Variants in SPON2 observed in about 807,000 individuals in gnomAD.
The protein encoded by SPON2 is spondin-2.
A neutral mutation model predicts 29.9 loss-of-function variants in SPON2; 32 were observed. That is an observed-to-expected ratio of 1.07 (90% CI 0.81 to 1.44). SPON2 has a LOEUF of 1.44. Among genes scored for constraint, SPON2 ranks in the 40% most tolerant of loss-of-function variants. The probability of loss-of-function intolerance (pLI) is 0.00; values close to 1 mark genes in which losing one functional copy is unlikely to be tolerated. For missense variants in SPON2, 541 were observed against 455.5 expected (o/e 1.19, Z -1.71); for synonymous variants, 248 against 209.1 (o/e 1.19, Z -1.61).
At chr4:1,206,761 C>A (rs1728351774) in intron 1 of SPON2, among the ~76,000 whole-genome samples, 1 of 151,700 alleles carries the variant, frequency 6.6e-6, no homozygotes, top group African/African-American at 2.4e-5. Flanking sequence ...ACCCCGCCAG[C>A]AGCAGAGAAC....
chr4:1,189,654 A>AAG (rs1463170859), intron 1 of SPON2, among the ~76,000 whole-genome samples: 118 of 149,324 alleles, frequency 7.9e-4, no homozygotes, highest in African/African-American at 2.6e-3. Context: ...AAAAAAAAAA[A>AAG]AAAAGAAAGA....
intron 5 of SPON2, chr4:1,167,911 G>A (rs1727299879): frequency 2.4e-6 from 1 of 422,824 alleles, no homozygotes; most frequent in East Asian, 3.6e-5. Flanking sequence ...TCCCTGTGGT[G>A]GTGGAACTCC....
At chr4:1,188,798 T>C (rs1393690973) in intron 1 of SPON2, among the ~76,000 whole-genome samples, 3 of 152,162 alleles carry the variant, frequency 2.0e-5, no homozygotes, top group Non-Finnish European at 4.4e-5. Context: ...CAAAAGTCAG[T>C]AGAAGACGTC....
At chr4:1,203,059 T>G (rs1007148263) in intron 1 of SPON2, among the ~76,000 whole-genome samples, 36 of 152,220 alleles carry the variant, frequency 2.4e-4, no homozygotes, top group Middle Eastern at 3.2e-3. Context: ...TTGGCTGTTT[T>G]TCCTCCGAAT....
Position 1,167,075 on chromosome 4 carries a change from G to A in SPON2, c.*397C>T. 1 of 179,954 alleles carries A rather than the reference G, an allele frequency of 5.6e-6. No homozygotes were observed. The highest frequency in any genetic ancestry group is 1.2e-5 in the Non-Finnish European group (1 of 86,572). 11.1% of individuals were successfully genotyped at this position (179,954 alleles called of 1,614,324 possible). On this transcript the variant is annotated 3_prime_UTR_variant, in exon 6 of 6. Transcript: ENST00000290902. ...CCCTCGGGAGAGTGGGCTCAGCACA[G>A]CCTAGAGCACCAGGTCTGAGGTATC...
intron 1 of SPON2, among the ~76,000 whole-genome samples, chr4:1,182,611 CA>C (rs1727717972): frequency 6.6e-6 from 1 of 152,216 alleles, no homozygotes; most frequent in African/African-American, 2.4e-5. Context: ...CACCATAAAA[CA>C]GGGCAACATA....
intron 1 of SPON2, among the ~76,000 whole-genome samples, chr4:1,194,449 T>A (rs1431063744): frequency 6.6e-6 from 1 of 152,034 alleles, no homozygotes; most frequent in Non-Finnish European, 1.5e-5. Context: ...GCGGCTGGCG[T>A]GCCCTGCAGG....
chr4:1,172,507 GC>G, intron 1 of SPON2, 36 bp downstream of exon 1: 1 of 212,190 alleles, frequency 4.7e-6, no homozygotes, highest in African/African-American at 2.4e-5. Flanking sequence ...GGAGGCCCGG[GC>G]CCTCTCTGGG....
chr4:1,185,977 G>A (rs900022260), intron 1 of SPON2, among the ~76,000 whole-genome samples: 1 of 151,860 alleles, frequency 6.6e-6, no homozygotes, highest in East Asian at 2.0e-4. Flanking sequence ...GGGCGTGGTG[G>A]CTCACGCCTG....
chr4:1,194,447 C>T (rs1379464089), intron 1 of SPON2, among the ~76,000 whole-genome samples: 4 of 152,130 alleles, frequency 2.6e-5, no homozygotes, highest in African/African-American at 7.2e-5. Flanking sequence ...GAGCGGCTGG[C>T]GTGCCCTGCA....
intron 5 of SPON2, chr4:1,170,039 A>G: frequency 3.9e-6 from 1 of 253,586 alleles, no homozygotes; most frequent in Non-Finnish European, 7.6e-6. Flanking sequence ...GCCCTGCAGC[A>G]TAGCTGTCAC....
intron 5 of SPON2, 73 bp downstream of exon 5, chr4:1,170,328 GT>G: frequency 1.4e-6 from 2 of 1,446,104 alleles, no homozygotes; most frequent in Non-Finnish European, 9.5e-7. Flanking sequence ...AGAGCCTTAG[GT>G]TCGGGTTTGG....
At chr4:1,194,866 C>G (rs1211044248) in intron 1 of SPON2, 1 of 143,990 alleles carries the variant, frequency 6.9e-6, no homozygotes, top group African/African-American at 2.6e-5. Flanking sequence ...AGGCCTCACC[C>G]CACAGCCGGC....
chr4:1,170,693 G>GACCCT, intron 4 of SPON2, 117 bp from the exon 5 acceptor site: 2 of 1,268,906 alleles, frequency 1.6e-6, no homozygotes, highest in Non-Finnish European at 2.2e-6. Context: ...CCACTGTTGG[G>GACCCT]GACAGGGTCC....
intron 5 of SPON2, 51 bp downstream of exon 5, chr4:1,170,351 T>C (rs771457158): frequency 6.4e-7 from 1 of 1,564,094 alleles, no homozygotes; most frequent in African/African-American, 1.4e-5. Context: ...GGTCGCCCTG[T>C]GGCAGGGTTC....
At chr4:1,200,717 G>C (rs1007780695) in intron 1 of SPON2, 7 of 431,204 alleles carry the variant, frequency 1.6e-5, no homozygotes, top group Non-Finnish European at 2.8e-5. Context: ...CGTGGACATC[G>C]CTGGACGGGG....
intron 1 of SPON2, among the ~76,000 whole-genome samples, chr4:1,186,017 G>A (rs1172907234): frequency 2.0e-5 from 3 of 151,248 alleles, no homozygotes; most frequent in Non-Finnish European, 4.4e-5. Context: ...GGCCGAGGCG[G>A]GCGGATCACG....
At chr4:1,170,839 G>T in intron 4 of SPON2, 160 bp downstream of exon 4, 1 of 1,101,388 alleles carries the variant, frequency 9.1e-7, no homozygotes, top group Non-Finnish European at 1.3e-6. Context: ...TGGGAGGGCT[G>T]CACCCCCTTG....
chr4:1,207,296 A>G (rs1028548452), intron 1 of SPON2, among the ~76,000 whole-genome samples: 1 of 151,618 alleles, frequency 6.6e-6, no homozygotes, highest in Non-Finnish European at 1.5e-5. Flanking sequence ...GCTGCTCGAC[A>G]CCCTCCGTCC....
Sources: allele counts gnomAD v4.1 joint callset (sites outside exome capture counted in the v4.1 genomes callset), GRCh38; gene constraint gnomAD v4.1.1; transcripts MANE v1.5; gene names NCBI Gene and HGNC (gene_info 2026-07-23, HGNC 2026-07-21).